Variants in HOXB3 observed in about 807,000 individuals in gnomAD.
HOXB3 encodes homeobox B3.
Under a neutral mutation model 29.2 loss-of-function variants are expected in HOXB3, and 17 were observed. The observed-to-expected ratio is 0.58, with a 90% CI of 0.40 to 0.87. HOXB3 has a LOEUF of 0.87. Among genes scored for constraint, HOXB3 ranks in the 40% least tolerant of loss-of-function variants. HOXB3 has a pLI of 0.00. For synonymous variants in HOXB3, 317 were observed against 285.9 expected (o/e 1.11, Z -1.10); for missense variants, 637 against 616.3 (o/e 1.03, Z -0.35).
In HOXB3 at chr17:48,577,724, C is replaced by T. The variant is rs1411174394; in HGVS notation, c.-424-3710G>A. On this transcript the variant is annotated intron_variant, in intron 1 of 4. Transcript: ENST00000498678. ...TTATGTGGCTCTGAAAACAGGCGAC[C>T]GTAAATCTCCGGCAATGGCGAGTTT... The T allele has an allele frequency of 4.0e-6, 3 of 741,452 alleles. No individual in the cohort carries two copies. The African/African-American group carries it at 5.5e-5, about 14-fold the overall frequency. The allele number at this position is 741,452 out of a possible 1,614,324, so 45.9% of individuals were successfully genotyped here.
At chr17:48,576,425 TTC>T (rs1567962894) in intron 1 of HOXB3, 5 of 263,592 alleles carry the variant, frequency 1.9e-5, no homozygotes, top group African/African-American at 9.1e-5. Flanking sequence ...CTATTTCTCT[TTC>T]TGTCTTTTTC....
At chr17:48,581,573 T>C (rs2069939634) in intron 1 of HOXB3, 1 of 150,622 alleles carries the variant, frequency 6.6e-6, no homozygotes, top group Non-Finnish European at 1.5e-5. Flanking sequence ...CCATACCTCC[T>C]GTCCTTCTCA....
chr17:48,556,563 A>AAAAAAACC (rs2069003026), intron 2 of HOXB3: 1 of 150,338 alleles, frequency 6.7e-6, no homozygotes. Flanking sequence ...AAAAAAAAAA[A>AAAAAAACC]AAAAAAAAAC....
At chr17:48,586,522 C>T (rs778219383) in intron 1 of HOXB3, among the ~76,000 whole-genome samples, 15 of 152,272 alleles carry the variant, frequency 9.9e-5, no homozygotes, top group Non-Finnish European at 1.9e-4. Flanking sequence ...GGCGCTGCTG[C>T]CCCCGTCTGC....
At chr17:48,562,966 C>T (rs1190825434) in intron 2 of HOXB3, among the ~76,000 whole-genome samples, 2 of 152,194 alleles carry the variant, frequency 1.3e-5, no homozygotes, top group Non-Finnish European at 2.9e-5. Context: ...CACTCCCAAA[C>T]AGAGATTTTG....
intron 1 of HOXB3, among the ~76,000 whole-genome samples, chr17:48,584,188 G>A (rs1386621909): frequency 3.3e-5 from 5 of 152,208 alleles, no homozygotes; most frequent in East Asian, 3.8e-4. Context: ...AAAGATCTCC[G>A]TGAGGCCATT....
Position 48,550,070 on chromosome 17 carries a change from C to T in HOXB3, c.*264G>A, listed in dbSNP as rs2068655498. 1 of 449,138 alleles carries T rather than the reference C, an allele frequency of 2.2e-6. No homozygotes were observed. The highest frequency in any genetic ancestry group is 4.0e-6 in the Non-Finnish European group (1 of 249,944). 27.8% of individuals were successfully genotyped at this position (449,138 alleles called of 1,614,324 possible). Reference sequence around the variant, plus strand: ...GGCGTGGAATTCCAACTTGGTAGTGCTGGAGCCCTGGGGTTGATGGGGTCA... The same window carrying T: ...GGCGTGGAATTCCAACTTGGTAGTGTTGGAGCCCTGGGGTTGATGGGGTCA... On this transcript the variant is annotated 3_prime_UTR_variant, in exon 5 of 5. Transcript: ENST00000498678.
intron 2 of HOXB3, chr17:48,556,550 T>TAAAAAAA (rs79367380): frequency 1.6e-5 from 2 of 127,386 alleles, no homozygotes; most frequent in African/African-American, 3.2e-5. Context: ...GACCAGAACT[T>TAAAAAAA]AAAAAAAAAA....
rs142861434 is a variant in HOXB3 at position 48,550,754 on chromosome 17, G to T, written c.876C>A (p.Pro292=). The change falls in exon 5 of 5, where the codon CCC becomes CCA. Residue 292 remains proline (P), a synonymous_variant. Transcript: ENST00000498678. The stretch of plus-strand genomic sequence containing the variant: ...CATTCTGGTGGGCTTTACCGAAGGC[G>T]GGTGGGGACGGGCTCTCGTAGCTGG... The part of the protein sequence containing the change: ...MTPSYESPSP[P]AFGKAHQNAY... The T allele has an allele frequency of 1.3e-6, 2 of 1,594,780 alleles. No individual in the cohort carries two copies. The highest frequency in any genetic ancestry group is 1.1e-5 in the South Asian group (1 of 89,024).
intron 1 of HOXB3, among the ~76,000 whole-genome samples, chr17:48,589,277 G>C (rs2070103411): frequency 6.6e-6 from 1 of 152,170 alleles, no homozygotes; most frequent in South Asian, 2.1e-4. Context: ...ACAGTTGAGG[G>C]ATTTGTATTC....
chr17:48,564,269 G>A (rs2144820380), intron 2 of HOXB3, among the ~76,000 whole-genome samples: 1 of 151,726 alleles, frequency 6.6e-6, no homozygotes, highest in Admixed American at 6.6e-5. Flanking sequence ...CGCTGGGTGC[G>A]CGCGGGGGCC....
chr17:48,585,111 A>G (rs2070021498), intron 1 of HOXB3, among the ~76,000 whole-genome samples: 1 of 151,934 alleles, frequency 6.6e-6, no homozygotes, highest in South Asian at 2.1e-4. Context: ...CCCTTCGCCA[A>G]TGTCCCTACT....
At chr17:48,555,341 A>AGAGG (rs1567949103) in intron 3 of HOXB3, 190 bp downstream of exon 3, 10 of 438,138 alleles carry the variant, frequency 2.3e-5, no homozygotes, top group Middle Eastern at 5.4e-4. Context: ...AGAGGGAGAG[A>AGAGG]GAGAGAGAGA....
chr17:48,560,042 T>A, intron 2 of HOXB3: 1 of 152,216 alleles, frequency 6.6e-6, no homozygotes, highest in Admixed American at 6.5e-5. Context: ...GGCTCCCGCC[T>A]CACCTAGAAG....
At chr17:48,576,650 T>TTCCCCCCCCCCCCCCCCCCC in intron 1 of HOXB3, 1 of 567,770 alleles carries the variant, frequency 1.8e-6, no homozygotes, top group Non-Finnish European at 2.6e-6. Flanking sequence ...CCCCCTCCTG[T>TTCCCCCCCCCCCCCCCCCCC]CCCCCCACCC....
At chr17:48,573,795 A>C (rs1244715848) in intron 2 of HOXB3, 42 bp downstream of exon 2, 1 of 691,522 alleles carries the variant, frequency 1.4e-6, no homozygotes, top group Non-Finnish European at 2.6e-6. Flanking sequence ...AAGAGCTCAT[A>C]AAACGATCAA....
intron 2 of HOXB3, among the ~76,000 whole-genome samples, chr17:48,572,067 A>G (rs1382509385): frequency 1.7e-4 from 26 of 152,144 alleles, no homozygotes; most frequent in Admixed American, 1.7e-3. Flanking sequence ...GATTTTTAAG[A>G]TACAGCAAAC....
At chr17:48,582,231 A>G (rs1175471108) in intron 1 of HOXB3, 3 of 152,296 alleles carry the variant, frequency 2.0e-5, no homozygotes, top group Non-Finnish European at 4.4e-5. Flanking sequence ...CGGCCTGCGC[A>G]CCGGCGGCGG....
chr17:48,556,213 A>G (rs1042954117), intron 2 of HOXB3, among the ~76,000 whole-genome samples: 9 of 151,742 alleles, frequency 5.9e-5, no homozygotes, highest in African/African-American at 1.9e-4. Context: ...GGAAGAGGTG[A>G]GCAAAGGCAA....
Sources: allele counts gnomAD v4.1 joint callset (sites outside exome capture counted in the v4.1 genomes callset), GRCh38; gene constraint gnomAD v4.1.1; transcripts MANE v1.5; gene names NCBI Gene and HGNC (gene_info 2026-07-23, HGNC 2026-07-21).